The following ADGRL3 variants were observed in gnomAD, a reference collection of about 807,000 sequenced individuals.
ADGRL3 encodes the protein calcium-independent alpha-latrotoxin receptor 3.
Under a neutral mutation model 153.5 loss-of-function variants are expected in ADGRL3, and 62 were observed. The observed-to-expected ratio is 0.40, with a 90% CI of 0.33 to 0.50. The LOEUF is 0.50. ADGRL3 is among the 20% of genes least tolerant of loss of function. ADGRL3 has a pLI of 0.47. For missense variants in ADGRL3, 1,641 were observed against 1,859.4 expected, an observed-to-expected ratio of 0.88 and a Z score of 2.16; for synonymous variants, 710 against 672.5, an observed-to-expected ratio of 1.06 and a Z score of -0.86.
intron 4 of ADGRL3, among the ~76,000 whole-genome samples, chr4:61,562,991 C>A (rs1310368080): frequency 6.8e-6 from 1 of 148,038 alleles, no homozygotes; most frequent in Non-Finnish European, 1.5e-5. Flanking sequence ...ATGAATTATT[C>A]TTTCCAGAAG....
At chr4:61,463,346 T>G (rs1389991039) in intron 2 of ADGRL3, among the ~76,000 whole-genome samples, 1 of 152,090 alleles carries the variant, frequency 6.6e-6, no homozygotes, top group African/African-American at 2.4e-5. Context: ...CTCAGGAAAC[T>G]TAACAATCAT....
At chr4:61,994,457 A>C (rs989560898) in intron 19 of ADGRL3, among the ~76,000 whole-genome samples, 2 of 151,404 alleles carry the variant, frequency 1.3e-5, no homozygotes, top group Admixed American at 6.6e-5. Context: ...TAGCCTCTTC[A>C]TTGTTTTAAA....
intron 8 of ADGRL3, among the ~76,000 whole-genome samples, chr4:61,800,024 A>T (rs868541923): frequency 1.3e-5 from 2 of 152,178 alleles, no homozygotes; most frequent in Non-Finnish European, 2.9e-5. Flanking sequence ...GCATCTCTAG[A>T]ACCTGTCTTC....
chr4:61,622,552 AAGG>A (rs1165756972), intron 5 of ADGRL3, among the ~76,000 whole-genome samples: 2 of 151,838 alleles, frequency 1.3e-5, no homozygotes, highest in Non-Finnish European at 2.9e-5. Context: ...TGATAAGAAG[AAGG>A]AGGAGGAAGA....
chr4:61,530,121 G>A (rs2152952773), intron 4 of ADGRL3, among the ~76,000 whole-genome samples: 2 of 152,152 alleles, frequency 1.3e-5, no homozygotes, highest in South Asian at 4.1e-4. Flanking sequence ...AAAATAATGG[G>A]TATTAAATTA....
At chr4:61,344,577 C>CT (rs995960474) in intron 1 of ADGRL3, among the ~76,000 whole-genome samples, 18 of 149,376 alleles carry the variant, frequency 1.2e-4, no homozygotes, top group Admixed American at 2.7e-4. Context: ...AGCTATAAGA[C>CT]TTTTTTTTTT....
chr4:61,622,893 A>G (rs551113337), intron 5 of ADGRL3, among the ~76,000 whole-genome samples: 1 of 152,278 alleles, frequency 6.6e-6, no homozygotes, highest in Admixed American at 6.5e-5. Flanking sequence ...TCATATCATA[A>G]AGAAACTATT....
chr4:61,341,045 T>C (rs1193193072), intron 1 of ADGRL3, among the ~76,000 whole-genome samples: 3 of 151,976 alleles, frequency 2.0e-5, no homozygotes, highest in Admixed American at 6.6e-5. Flanking sequence ...CTAATTTATA[T>C]CAGTTGTGAA....
At chr4:61,383,482 A>G (rs1291408413) in intron 2 of ADGRL3, among the ~76,000 whole-genome samples, 3 of 151,768 alleles carry the variant, frequency 2.0e-5, no homozygotes, top group African/African-American at 7.2e-5. Context: ...GCTAAAAATA[A>G]GAGTTTTAGT....
chr4:61,980,328 T>TTTTC (rs1463276552), intron 18 of ADGRL3, among the ~76,000 whole-genome samples: 8 of 150,120 alleles, frequency 5.3e-5, no homozygotes, highest in Admixed American at 2.0e-4. Context: ...TTTTTTTTTT[T>TTTTC]TTTTACTATC....
chr4:61,688,700 C>T (rs1430467837), intron 6 of ADGRL3, among the ~76,000 whole-genome samples: 1 of 152,076 alleles, frequency 6.6e-6, no homozygotes, highest in African/African-American at 2.4e-5. Flanking sequence ...TGGGGAGCTC[C>T]AGCCATCTTA....
intron 8 of ADGRL3, among the ~76,000 whole-genome samples, chr4:61,804,801 C>CT: frequency 6.6e-6 from 1 of 152,096 alleles, no homozygotes; most frequent in East Asian, 1.9e-4. Context: ...ATTGATAACA[C>CT]TTTTTCAGTC....
intron 6 of ADGRL3, among the ~76,000 whole-genome samples, chr4:61,695,776 C>A (rs920856070): frequency 2.0e-5 from 3 of 152,066 alleles, no homozygotes; most frequent in Non-Finnish European, 4.4e-5. Flanking sequence ...TGTAGTGTAG[C>A]GTAGTAATGT....
At position 61,767,583 on chromosome 4, in the gene ADGRL3, A is replaced by T. The variant is rs971663601; in HGVS notation, c.1399+34029A>T. Among the ~76,000 whole-genome samples the T allele has an allele frequency of 3.3e-5, 5 of 152,044 alleles. 1 individual carries two copies. The highest frequency in any genetic ancestry group is 1.2e-4 in the African/African-American group (5 of 41,388). On this transcript the variant is annotated intron_variant, in intron 8 of 26. Transcript: ENST00000683033. Reference sequence around the variant, plus strand: ...GTCTTCAGCCGGTAAGCCAAGAAGGAGTCAGTCAGAGAGCCTTGGGCCAGA... The same window carrying T: ...GTCTTCAGCCGGTAAGCCAAGAAGGTGTCAGTCAGAGAGCCTTGGGCCAGA...
At chr4:61,746,892 C>T (rs934281655) in intron 8 of ADGRL3, among the ~76,000 whole-genome samples, 2 of 151,214 alleles carry the variant, frequency 1.3e-5, no homozygotes, top group Non-Finnish European at 2.9e-5. Context: ...ACACAAAAAA[C>T]CCTTCAAAAA....
intron 4 of ADGRL3, among the ~76,000 whole-genome samples, chr4:61,525,539 C>T (rs1015751451): frequency 2.6e-5 from 4 of 152,040 alleles, no homozygotes; most frequent in African/African-American, 9.7e-5. Context: ...ATTAGAGTTG[C>T]AGTTTAGAAC....
chr4:61,362,225 G>A (rs2096294881), intron 1 of ADGRL3, among the ~76,000 whole-genome samples: 1 of 150,970 alleles, frequency 6.6e-6, no homozygotes, highest in African/African-American at 2.4e-5. Flanking sequence ...CTGATCTCAA[G>A]CTCCTGACCT....
chr4:61,424,666 T>C (rs575130917), intron 2 of ADGRL3, among the ~76,000 whole-genome samples: 1 of 152,320 alleles, frequency 6.6e-6, no homozygotes, highest in South Asian at 2.1e-4. Flanking sequence ...CTTGGGCAGC[T>C]TACTATATCT....
intron 19 of ADGRL3, among the ~76,000 whole-genome samples, chr4:61,984,641 A>G (rs1412400591): frequency 1.3e-5 from 2 of 152,134 alleles, no homozygotes; most frequent in Non-Finnish European, 2.9e-5. Context: ...TAAGTAAAAA[A>G]CAAAAACAAA....
Sources: gnomAD v4.1 joint callset for allele counts (sites outside exome capture counted in the v4.1 genomes callset) on GRCh38, gnomAD v4.1.1 for gene constraint, MANE v1.5 for transcripts, NCBI Gene and HGNC (gene_info 2026-07-23, HGNC 2026-07-21) for gene names.